Variants in ATP6V0C observed in about 807,000 individuals in gnomAD.
The protein encoded by ATP6V0C is ATPase H+ transporting V0 subunit c, also known as V-type proton ATPase 16 kDa proteolipid subunit c.
In ATP6V0C, 2 loss-of-function variants were observed where a neutral mutation model predicts 10.6. The observed-to-expected ratio is 0.19, with a 90% CI of 0.08 to 0.59. ATP6V0C has a LOEUF of 0.59. ATP6V0C is among the 20% of genes least tolerant of loss of function. The pLI is 0.90. For missense variants in ATP6V0C, 89 were observed against 225.9 expected (o/e 0.39, Z 3.88); for synonymous variants, 128 against 101.3 (o/e 1.26, Z -1.59).
intron 1 of ATP6V0C, 30 bp downstream of exon 1, chr16:2,514,212 G>T: frequency 6.6e-7 from 1 of 1,522,824 alleles, no homozygotes; most frequent in Admixed American, 2.0e-5. Context: ...GGACTCGGGG[G>T]CGGGGGCGCG....
upstream of ATP6V0C, chr16:2,513,874 G>A: frequency 2.5e-6 from 1 of 399,340 alleles, no homozygotes; most frequent in East Asian, 4.4e-5. Flanking sequence ...CCGGGGACGC[G>A]TCTCCCCCAC....
At chr16:2,519,002 G>A (rs1013080216) in intron 1 of ATP6V0C, 37 of 529,890 alleles carry the variant, frequency 7.0e-5, no homozygotes, top group Non-Finnish European at 1.2e-4. Context: ...GGGGCCTCAC[G>A]TAGAGGAAGG....
intron 1 of ATP6V0C, 57 bp downstream of exon 1, chr16:2,514,239 GC>G: frequency 1.4e-6 from 2 of 1,476,976 alleles, no homozygotes; most frequent in Non-Finnish European, 1.8e-6. Flanking sequence ...GCTCATGCCC[GC>G]AGCTCGCCGG....
Position 2,514,087 on chromosome 16 carries a change from C to G in ATP6V0C, c.-17C>G, listed in dbSNP as rs375913068. The stretch of plus-strand genomic sequence containing the variant: ...CCGCCTCGGCCCGCAGAGCTTGCCC[C>G]CTCCCCACCCGCAGACATGTCCGAG... On this transcript the variant is annotated 5_prime_UTR_variant, in exon 1 of 3. Transcript: ENST00000330398. 6.4e-7 allele frequency: 1 copy of G among 1,566,622 alleles called. No individual in the cohort carries two copies. The highest frequency in any genetic ancestry group is 8.6e-7 in the Non-Finnish European group (1 of 1,157,568).
chr16:2,515,748 C>G (rs926912269), intron 1 of ATP6V0C, among the ~76,000 whole-genome samples: 5 of 152,192 alleles, frequency 3.3e-5, no homozygotes, highest in Non-Finnish European at 7.3e-5. Context: ...CTCATTCATC[C>G]AAACAATCTT....
At chr16:2,514,730 C>T (rs1434218152) in intron 1 of ATP6V0C, among the ~76,000 whole-genome samples, 2 of 152,210 alleles carry the variant, frequency 1.3e-5, no homozygotes, top group Non-Finnish European at 2.9e-5. Context: ...GTGGGTCTCA[C>T]CCACAGGCAG....
intron 1 of ATP6V0C, among the ~76,000 whole-genome samples, chr16:2,514,567 C>G (rs1424010514): frequency 6.6e-6 from 1 of 151,508 alleles, no homozygotes; most frequent in African/African-American, 2.4e-5. Context: ...CAGGTGACAT[C>G]ACACCTCGAA....
At position 2,519,753 on chromosome 16, in the gene ATP6V0C, C is replaced by T; in HGVS notation, c.*8C>T. 1.9e-6 allele frequency: 3 copies of T among 1,588,864 alleles called. No homozygotes were observed. The highest frequency in any genetic ancestry group is 1.3e-5 in the African/African-American group (1 of 74,308). On this transcript the variant is annotated 3_prime_UTR_variant, in exon 3 of 3. Transcript: ENST00000330398. The stretch of plus-strand genomic sequence containing the variant: ...ATCCTCTCCACAAAGTAGACCCTCT[C>T]CGAGCCCACCAGCCACAGAATATTA...
Position 2,514,145 on chromosome 16 carries a change from C to T in ATP6V0C, c.42C>T (p.Phe14=), listed in dbSNP as rs1237773347. ...GCGGCCCCGAGTATGCTTCGTTTTT[C>T]GCCGTCATGGGCGCCTCGGCCGCCA... ...SKSGPEYASF[F]AVMGASAAMV... is the part of the protein sequence containing the mutation. Residue 14 remains phenylalanine, a synonymous_variant, in exon 1 of 3, where the codon TTC becomes TTT. Transcript: ENST00000330398. 1 of 1,590,228 alleles carries T rather than the reference C, an allele frequency of 6.3e-7. No homozygotes were observed. The highest frequency in any genetic ancestry group is 8.6e-7 in the Non-Finnish European group (1 of 1,169,326).
At chr16:2,513,729 A>G (rs2065861706), upstream of ATP6V0C, 1 of 160,476 alleles carries the variant, frequency 6.2e-6, no homozygotes. Flanking sequence ...GACCGGTCCA[A>G]CGCTGCGGAG....
Position 2,514,193 on chromosome 16 carries a change from CGGCGGGAGGGACTCGGG to C in ATP6V0C, c.79+18_79+34del. On this transcript the variant is annotated intron_variant, in intron 1 of 2. Coordinates refer to ENST00000330398, the MANE Select transcript of ATP6V0C (RefSeq NM_001694.4). The stretch of plus-strand genomic sequence containing the variant: ...CCATGGTCTTCAGCGGTGAGCGCGG[CGGCGGGAGGGACTCGGG>C]GGCGGGGGCGCGCGCGTTGCTCATG... 2.6e-6 allele frequency: 4 copies of C among 1,545,552 alleles called. No homozygotes were observed. Among genetic ancestry groups the C allele is most frequent in the Non-Finnish European group, 3.5e-6 (4 of 1,145,912 alleles).
intron 1 of ATP6V0C, among the ~76,000 whole-genome samples, chr16:2,518,447 GA>G: frequency 6.6e-6 from 1 of 152,324 alleles, no homozygotes; most frequent in South Asian, 2.1e-4. Context: ...GTGTGCAGGG[GA>G]GACCTCTCTG....
intron 1 of ATP6V0C, chr16:2,517,147 G>C (rs562147321): frequency 6.6e-6 from 1 of 152,512 alleles, no homozygotes; most frequent in African/African-American, 2.4e-5. Flanking sequence ...TGTGGTCCTG[G>C]GCCTGCAGTG....
In ATP6V0C at chr16:2,519,502, G is replaced by A. The variant is rs763478288; in HGVS notation, c.264-39G>A. ...CCCGGACCCTTGTCTCCCCCTGGTTGGCAGGCTGCTGATGTCAGTCCTCTC... is the reference window on the plus strand; with the variant it reads ...CCCGGACCCTTGTCTCCCCCTGGTTAGCAGGCTGCTGATGTCAGTCCTCTC... On this transcript the variant is annotated intron_variant, in intron 2 of 2. Transcript: ENST00000330398. 1.9e-6 allele frequency: 3 copies of A among 1,541,956 alleles called. No homozygotes were observed. In the East Asian group the frequency reaches 6.8e-5, roughly 35 times the overall value.
chr16:2,515,142 T>G (rs542591647), intron 1 of ATP6V0C, among the ~76,000 whole-genome samples: 2 of 152,182 alleles, frequency 1.3e-5, no homozygotes, highest in East Asian at 1.9e-4. Flanking sequence ...GCTTTTGAAA[T>G]TGGGCCTTGA....
At chr16:2,519,009 AAGG>A (rs1237398717) in intron 1 of ATP6V0C, 1 of 544,234 alleles carries the variant, frequency 1.8e-6, no homozygotes, top group Non-Finnish European at 3.2e-6. Flanking sequence ...CACGTAGAGG[AAGG>A]AGGAGTGGCT....
chr16:2,514,021 A>G lies in ATP6V0C; in HGVS notation c.-83A>G, dbSNP rs973580366. Reference sequence around the variant, plus strand: ...ATCGCCTTCGCCGCCGCCCGCCCGCAAACCTTCGTGCCCGGCCCGTCCTCG... The same window carrying G: ...ATCGCCTTCGCCGCCGCCCGCCCGCGAACCTTCGTGCCCGGCCCGTCCTCG... On this transcript the variant is annotated 5_prime_UTR_variant, in exon 1 of 3. Coordinates refer to ENST00000330398, the MANE Select transcript of ATP6V0C (RefSeq NM_001694.4). 3.0e-6 allele frequency: 4 copies of G among 1,332,478 alleles called. No individual in the cohort carries two copies. The highest frequency in any genetic ancestry group is 5.7e-5 in the East Asian group (2 of 34,848). The allele number at this position is 1,332,478 out of a possible 1,614,324, so 82.5% of individuals were successfully genotyped here.
intron 1 of ATP6V0C, among the ~76,000 whole-genome samples, chr16:2,515,436 G>A (rs1038655814): frequency 6.6e-6 from 1 of 152,204 alleles, no homozygotes; most frequent in Non-Finnish European, 1.5e-5. Flanking sequence ...GTAAACACCT[G>A]TGGGGTGGGG....
At chr16:2,519,461 C>A in intron 2 of ATP6V0C, 60 bp downstream of exon 2, 1 of 1,567,070 alleles carries the variant, frequency 6.4e-7, no homozygotes, top group South Asian at 1.2e-5. Context: ...GGGGGCGGTT[C>A]ACCTGTGGGT....
Sources: allele counts gnomAD v4.1 joint callset (sites outside exome capture counted in the v4.1 genomes callset), GRCh38; gene constraint gnomAD v4.1.1; transcripts MANE v1.5; gene names NCBI Gene and HGNC (gene_info 2026-07-23, HGNC 2026-07-21).